Variants in RGS8 observed in about 807,000 individuals in gnomAD.
RGS8 encodes the protein regulator of G protein signaling 8.
RGS8 carries 8 observed loss-of-function variants against 21.7 expected under a neutral mutation model. The observed-to-expected ratio is 0.37, with a 90% CI of 0.22 to 0.66. RGS8 has a LOEUF of 0.66. RGS8 is among the 30% of genes least tolerant of loss of function. The pLI is 0.59. For missense variants in RGS8, 157 were observed against 217.9 expected, an observed-to-expected ratio of 0.72 and a Z score of 1.76; for synonymous variants, 80 against 83.6, an observed-to-expected ratio of 0.96 and a Z score of 0.24.
chr1:182,720,481 C>A, the RGS8 span, among the ~76,000 whole-genome samples: 2 of 152,118 alleles, frequency 1.3e-5, no homozygotes, highest in African/African-American at 4.8e-5. Flanking sequence ...TCTCATTTCT[C>A]TGCTCAAAAT....
chr1:182,749,604 G>T, the RGS8 span, among the ~76,000 whole-genome samples: 6 of 152,074 alleles, frequency 3.9e-5, no homozygotes, highest in Non-Finnish European at 7.4e-5. Context: ...TGAATTTTAG[G>T]ATTTTTTTTC....
chr1:182,716,419 C>T, the RGS8 span, among the ~76,000 whole-genome samples: 807 of 152,058 alleles, frequency 5.3e-3, 7 homozygotes, highest in African/African-American at 0.018. Context: ...AGCCACCACA[C>T]CTGGCCTGTA....
chr1:182,683,783 C>T (rs1280191874), intron 1 of RGS8, among the ~76,000 whole-genome samples: 3 of 152,156 alleles, frequency 2.0e-5, no homozygotes, highest in African/African-American at 4.8e-5. Context: ...CTCCCTCCAA[C>T]TCATTGTGAT....
exon 7 of RGS8, chr1:182,646,486 T>A (rs1441409524): frequency 2.2e-6 from 1 of 457,284 alleles, no homozygotes; most frequent in Non-Finnish European, 3.9e-6. Context: ...GGCAAGTTGC[T>A]GACCCAGAAA....
chr1:182,730,769 A>C, the RGS8 span, among the ~76,000 whole-genome samples: 1 of 152,308 alleles, frequency 6.6e-6, no homozygotes, highest in African/African-American at 2.4e-5. Flanking sequence ...CTTGCAGAAA[A>C]AGTCCCTAGA....
chr1:182,745,678 A>G, the RGS8 span, among the ~76,000 whole-genome samples: 1 of 152,238 alleles, frequency 6.6e-6, no homozygotes, highest in Non-Finnish European at 1.5e-5. Flanking sequence ...TATTTGATTC[A>G]CATAAAGCCA....
the RGS8 span, among the ~76,000 whole-genome samples, chr1:182,734,214 C>A: frequency 2.6e-5 from 4 of 152,304 alleles, no homozygotes; most frequent in African/African-American, 9.6e-5. Flanking sequence ...AGCCACCGTG[C>A]CTGGCCCCAA....
intron 6 of RGS8, 124 bp from the exon 8 acceptor site, chr1:182,647,041 C>T (rs1662736207): frequency 1.2e-6 from 1 of 840,840 alleles, no homozygotes; most frequent in Non-Finnish European, 1.9e-6. Flanking sequence ...TTCTGCTTTT[C>T]AAATTGCTTC....
the RGS8 span, among the ~76,000 whole-genome samples, chr1:182,728,689 T>C: frequency 6.6e-6 from 1 of 152,178 alleles, no homozygotes; most frequent in Non-Finnish European, 1.5e-5. Flanking sequence ...GAACTAACAA[T>C]AATTGCATTA....
intron 2 of RGS8, 23 bp downstream of exon 3, chr1:182,671,634 A>C: frequency 6.2e-7 from 1 of 1,608,814 alleles, no homozygotes; most frequent in Non-Finnish European, 8.5e-7. Context: ...GAGAAGAAAG[A>C]GAAAAGCAAA....
the RGS8 span, among the ~76,000 whole-genome samples, chr1:182,707,328 C>T: frequency 6.6e-6 from 1 of 152,200 alleles, no homozygotes; most frequent in Admixed American, 6.5e-5. Context: ...GGAACATGGC[C>T]TTCTGCCCAC....
chr1:182,696,984 C>G, the RGS8 span, among the ~76,000 whole-genome samples: 4 of 152,152 alleles, frequency 2.6e-5, no homozygotes, highest in Non-Finnish European at 5.9e-5. Flanking sequence ...ATCTGTCTGG[C>G]TAAGCAAGGT....
chr1:182,704,319 A>C, the RGS8 span, among the ~76,000 whole-genome samples: 11 of 152,228 alleles, frequency 7.2e-5, no homozygotes, highest in Non-Finnish European at 1.3e-4. Flanking sequence ...CAGGTGTTGA[A>C]GAGTTCATCA....
chr1:182,707,067 G>A, the RGS8 span, among the ~76,000 whole-genome samples: 1 of 152,058 alleles, frequency 6.6e-6, no homozygotes, highest in Non-Finnish European at 1.5e-5. Context: ...GCTGAGGCAG[G>A]AGAATAGCTT....
rs138874361 is a variant in RGS8 at position 182,651,983 on chromosome 1, T to C, written c.194-3680A>G. ...GACACAGGGAGGACCTGAGGGTCCG[T>C]AGGCCAGAGGTTCCCTCTCTGCCTC... On this transcript the variant is annotated intron_variant, in intron 5 of 6. Transcript: ENST00000483095. Among the ~76,000 whole-genome samples the C allele has an allele frequency of 6.3e-3, 959 of 152,368 alleles. 6 individuals carry two copies. Among genetic ancestry groups the C allele is most frequent in the Middle Eastern group, 0.017 (5 of 294 alleles).
At chr1:182,722,176 C>CA in the RGS8 span, among the ~76,000 whole-genome samples, 4 of 143,234 alleles carry the variant, frequency 2.8e-5, no homozygotes, top group Middle Eastern at 3.6e-3. Context: ...GCAAAGTTGC[C>CA]AAAAAAAAGG....
chr1:182,742,777 G>GGGAC, the RGS8 span, among the ~76,000 whole-genome samples: 13 of 85,046 alleles, frequency 1.5e-4, no homozygotes, highest in South Asian at 3.4e-4. Flanking sequence ...GGGACAGGGA[G>GGGAC]AGGGAGAGGG....
chr1:182,669,589 G>A (rs1332703490), intron 3 of RGS8, 35 bp downstream of exon 4: 1 of 1,614,070 alleles, frequency 6.2e-7, no homozygotes, highest in East Asian at 2.2e-5. Flanking sequence ...AGAGGAAAGG[G>A]TCAGGGGCAA....
At chr1:182,658,609 T>C (rs1458300536) in intron 5 of RGS8, 1 of 152,274 alleles carries the variant, frequency 6.6e-6, no homozygotes, top group Non-Finnish European at 1.5e-5. Flanking sequence ...AACAAATCAC[T>C]GCTTTGAAAT....
Sources: gnomAD v4.1 joint callset for allele counts (sites outside exome capture counted in the v4.1 genomes callset) on GRCh38, gnomAD v4.1.1 for gene constraint, MANE v1.5 for transcripts, NCBI Gene and HGNC (gene_info 2026-07-23, HGNC 2026-07-21) for gene names.